COL5A1: variants seen among roughly 807,000 people sequenced by gnomAD.
The protein encoded by COL5A1 is collagen type V alpha 1 chain.
Under a neutral mutation model 263.7 loss-of-function variants are expected in COL5A1, and 16 were observed. The observed-to-expected ratio is 0.06, with a 90% CI of 0.04 to 0.09. COL5A1 has a LOEUF of 0.09. COL5A1 is among the 10% of genes least tolerant of loss of function. COL5A1 has a pLI of 1.00. For synonymous variants in COL5A1, 1,012 were observed against 1,004.5 expected, an observed-to-expected ratio of 1.01 and a Z score of -0.14; for missense variants, 2,036 against 2,540.5, an observed-to-expected ratio of 0.80 and a Z score of 4.27.
chr9:134,766,163 C>T (rs1836654632), intron 21 of COL5A1, among the ~76,000 whole-genome samples: 1 of 152,222 alleles, frequency 6.6e-6, no homozygotes, highest in Non-Finnish European at 1.5e-5. Context: ...CCAGGCCTGC[C>T]CCCTTCAGCC....
chr9:134,815,407 G>T (rs549411606), intron 50 of COL5A1, among the ~76,000 whole-genome samples, 169 bp from the exon 51 acceptor site: 5 of 152,264 alleles, frequency 3.3e-5, no homozygotes, highest in African/African-American at 9.6e-5. Flanking sequence ...CATGCTGCAC[G>T]TGGAAGGGTC....
chr9:134,644,850 C>CT (rs1831424127), intron 1 of COL5A1, among the ~76,000 whole-genome samples: 1 of 152,150 alleles, frequency 6.6e-6, no homozygotes, highest in Non-Finnish European at 1.5e-5. Flanking sequence ...CACGTGATTG[C>CT]TTTTTGCAAT....
chr9:134,805,217 G>A lies in COL5A1; in HGVS notation c.3258+3G>A. ...CCCCTGGCCCACCAGGCCCTGCGGT[G>A]AGTCAAAGCCTTTGTCCCATCCTCT... On this transcript the variant is annotated splice_donor_region_variant and intron_variant, in intron 41 of 65. Coordinates refer to ENST00000371817, the MANE Select transcript of COL5A1 (RefSeq NM_000093.5). 1.2e-6 allele frequency: 2 copies of A among 1,613,914 alleles called. No individual in the cohort carries two copies. The highest frequency in any genetic ancestry group is 2.2e-5 in the South Asian group (2 of 91,088).
chr9:134,651,883 G>A (rs990674309), intron 1 of COL5A1, among the ~76,000 whole-genome samples: 2 of 152,194 alleles, frequency 1.3e-5, no homozygotes, highest in African/African-American at 4.8e-5. Context: ...TTCTTTCTTT[G>A]GGGATGATCT....
intron 1 of COL5A1, among the ~76,000 whole-genome samples, chr9:134,683,197 C>G (rs1256770206): frequency 6.6e-6 from 1 of 152,336 alleles, no homozygotes; most frequent in African/African-American, 2.4e-5. Context: ...CACCTCCTCC[C>G]GTGGCAGTGC....
At chr9:134,726,671 GATGGATGGGTGA>G (rs956026463) in intron 4 of COL5A1, among the ~76,000 whole-genome samples, 1 of 150,752 alleles carries the variant, frequency 6.6e-6, no homozygotes, top group African/African-American at 2.4e-5. Context: ...TGGGAGAATG[GATGGATGGGTGA>G]ATGGATGGAA....
chr9:134,801,927 G>A (rs753566959), intron 37 of COL5A1, 27 bp from the exon 38 acceptor site: 60 of 1,612,072 alleles, frequency 3.7e-5, no homozygotes, highest in African/African-American at 1.3e-4. Flanking sequence ...CTGCAGCACC[G>A]TCAGTGCAGT....
At chr9:134,760,585 GAC>G (rs200538470) in intron 18 of COL5A1, among the ~76,000 whole-genome samples, 7,034 of 34,232 alleles carry the variant, frequency 0.21, 1,004 homozygotes, top group African/African-American at 0.39. Context: ...CCCACACTCA[GAC>G]ACATGCACAC....
intron 1 of COL5A1, among the ~76,000 whole-genome samples, chr9:134,645,644 C>T (rs1831451656): frequency 6.6e-6 from 1 of 152,228 alleles, no homozygotes; most frequent in South Asian, 2.1e-4. Context: ...GCACCCTCAC[C>T]CGGGCCTGAG....
At position 134,842,142 on chromosome 9, in the gene COL5A1, C is replaced by A. The variant is rs369764872; in HGVS notation, c.5371-15C>A. On this transcript the variant is annotated splice_polypyrimidine_tract_variant and intron_variant, in intron 65 of 65. Transcript: ENST00000371817. This position sits in a 1 kb window ranked among gnomAD's most constrained non-coding sequence, Gnocchi z 5.8. ...CTGTTCTTAACCACCGGCCATCTGTCTCCCTCTTCCCCAGACCAAGAAAGG... is the reference window on the plus strand; with the variant it reads ...CTGTTCTTAACCACCGGCCATCTGTATCCCTCTTCCCCAGACCAAGAAAGG... The A allele has an allele frequency of 5.0e-6, 8 of 1,614,132 alleles. No homozygotes were observed. The Admixed American group carries it at 6.7e-5, about 13-fold the overall frequency.
At chr9:134,798,951 C>T (rs1008111789) in intron 37 of COL5A1, among the ~76,000 whole-genome samples, 2 of 152,226 alleles carry the variant, frequency 1.3e-5, no homozygotes, top group Admixed American at 6.5e-5. Context: ...CGGCTGTGGG[C>T]CATGCACCAA....
rs149632687 is a variant in COL5A1 at position 134,690,764 on chromosome 9, C to T, written c.110-148C>T. The T allele has an allele frequency of 8.9e-4, 848 of 948,744 alleles. 3 individuals carry two copies. The African/African-American group carries it at 0.011, about 13-fold the overall frequency. The allele number at this position is 948,744 out of a possible 1,614,324, so 58.8% of individuals were successfully genotyped here. A position where few individuals can be genotyped will look rare whatever the true frequency, so the allele number is the denominator to read the frequency against. ...GTGGTGCCCTGCCTCGCCCAGCACG[C>T]GGCTCTAAGCTGGTCCTGGGGCTCT... On this transcript the variant is annotated intron_variant, in intron 1 of 65. Coordinates refer to ENST00000371817, the MANE Select transcript of COL5A1 (RefSeq NM_000093.5).
At position 134,741,265 on chromosome 9, in the gene COL5A1, G is replaced by A. The variant is rs1400337071; in HGVS notation, c.1494+2457G>A. On this transcript the variant is annotated intron_variant, in intron 11 of 65. Transcript: ENST00000371817. This position sits in a 1 kb window ranked among gnomAD's most constrained non-coding sequence, Gnocchi z 4.5. ...GAGCATCTGGGGCCTCCAAAAGACA[G>A]ATTAACAAGAGAAGAGGCATACGAT... is the stretch of plus-strand genomic sequence containing the variant. Among the ~76,000 whole-genome samples the A allele has an allele frequency of 6.6e-6, 1 of 152,200 alleles. No individual in the cohort carries two copies. Among genetic ancestry groups the A allele is most frequent in the African/African-American group, 2.4e-5 (1 of 41,456 alleles).
At chr9:134,814,724 CG>C in intron 49 of COL5A1, 72 bp from the exon 50 acceptor site, 1 of 1,153,458 alleles carries the variant, frequency 8.7e-7, no homozygotes. Flanking sequence ...GTGAGAAAAC[CG>C]GGGAGGCCCA....
At chr9:134,788,317 G>A (rs1364648161) in intron 31 of COL5A1, among the ~76,000 whole-genome samples, 1 of 151,424 alleles carries the variant, frequency 6.6e-6, no homozygotes, top group African/African-American at 2.4e-5. Context: ...GATGAATGGA[G>A]GGGTGGGTTT....
intron 1 of COL5A1, among the ~76,000 whole-genome samples, chr9:134,648,044 T>C (rs1831534651): frequency 6.6e-6 from 1 of 151,996 alleles, no homozygotes; most frequent in African/African-American, 2.4e-5. Flanking sequence ...CCACCGTTAA[T>C]CGGGAGGGCA....
intron 4 of COL5A1, among the ~76,000 whole-genome samples, chr9:134,726,217 G>A (rs1323909425): frequency 6.6e-6 from 1 of 152,210 alleles, no homozygotes; most frequent in Non-Finnish European, 1.5e-5. Context: ...TCTGGCAGGT[G>A]CTCAACAGGT....
chr9:134,798,948 G>A (rs1838014807), intron 37 of COL5A1, among the ~76,000 whole-genome samples: 1 of 152,212 alleles, frequency 6.6e-6, no homozygotes, highest in Non-Finnish European at 1.5e-5. Context: ...GGGCGGCTGT[G>A]GGCCATGCAC....
Position 134,811,507 on chromosome 9 carries a change from C to T in COL5A1, c.3598C>T (p.Pro1200Ser), listed in dbSNP as rs1280851571. 1.9e-6 allele frequency: 3 copies of T among 1,612,138 alleles called. No homozygotes were observed. Among genetic ancestry groups the T allele is most frequent in the South Asian group, 1.1e-5 (1 of 90,970 alleles). ...TTCCCTGCAGGGAGCTGACGGCGAG[C>T]CGGGGCCTCGGGGCCAGCAGGGCCT... Reference protein sequence around the residue: ...QPGPSGADGEPGPRGQQGLFG... With the variant: ...QPGPSGADGESGPRGQQGLFG... The change falls in exon 46 of 66, where the codon CCG becomes TCG. Residue 1200 changes from proline (P) to serine (S), a missense_variant. Pro to Ser is a moderately conservative substitution (Grantham distance 74, BLOSUM62 -1). This residue lies in a region of COL5A1 where 1,078 missense variants were observed against 1,521.4 expected (regional missense o/e 0.71). Transcript: ENST00000371817.
Sources: gnomAD v4.1 joint callset for allele counts (sites outside exome capture counted in the v4.1 genomes callset) on GRCh38, gnomAD v4.1.1 for gene constraint, gnomAD v4.1.1 regional missense constraint, Gnocchi (gnomAD v3.1) non-coding constraint, MANE v1.5 for transcripts, NCBI Gene and HGNC (gene_info 2026-07-23, HGNC 2026-07-21) for gene names.